Variants in GAB2 observed in about 807,000 individuals in gnomAD.
The protein encoded by GAB2 is GRB2 associated binding protein 2, also known as GRB2-associated-binding protein 2.
A neutral mutation model predicts 65.5 loss-of-function variants in GAB2; 26 were observed. The observed-to-expected ratio is 0.40, with a 90% CI of 0.29 to 0.55. GAB2 has a LOEUF of 0.55. Among genes scored for constraint, GAB2 ranks in the 20% least tolerant of loss-of-function variants. GAB2 has a pLI of 0.53. For missense variants in GAB2, 884 were observed against 875.8 expected (o/e 1.01, Z -0.12); for synonymous variants, 321 against 329.6 (o/e 0.97, Z 0.28).
intron 1 of GAB2, among the ~76,000 whole-genome samples, chr11:78,290,275 T>C (rs1591004517): frequency 6.6e-6 from 1 of 152,158 alleles, no homozygotes; most frequent in Non-Finnish European, 1.5e-5. Context: ...GGGTCTACTG[T>C]CAAGAAAGTT....
At chr11:78,235,919 G>A (rs1259221278) in intron 3 of GAB2, among the ~76,000 whole-genome samples, 1 of 152,030 alleles carries the variant, frequency 6.6e-6, no homozygotes, top group African/African-American at 2.4e-5. Context: ...TTTCAGCAAC[G>A]CCCCACTCTA....
intron 1 of GAB2, among the ~76,000 whole-genome samples, chr11:78,357,454 C>G (rs996178792): frequency 6.6e-6 from 1 of 152,102 alleles, no homozygotes; most frequent in African/African-American, 2.4e-5. Context: ...CAGCAAAAGA[C>G]ACTACCATCA....
At chr11:78,298,764 C>A (rs975474953) in intron 1 of GAB2, among the ~76,000 whole-genome samples, 7 of 152,158 alleles carry the variant, frequency 4.6e-5, no homozygotes, top group Non-Finnish European at 1.0e-4. Flanking sequence ...CCAGGGAAAA[C>A]CAGGGCAAAG....
chr11:78,350,777 C>T (rs929580861), intron 1 of GAB2, among the ~76,000 whole-genome samples: 2 of 152,176 alleles, frequency 1.3e-5, no homozygotes, highest in African/African-American at 4.8e-5. Context: ...CCTTCACACA[C>T]GTTAAGAATT....
chr11:78,241,460 G>C (rs1006989993), intron 3 of GAB2, among the ~76,000 whole-genome samples: 4 of 152,070 alleles, frequency 2.6e-5, no homozygotes, highest in Non-Finnish European at 5.9e-5. Context: ...AGTAACTAGA[G>C]CCCAGTGAAA....
At chr11:78,363,355 G>A (rs1379691341) in intron 1 of GAB2, among the ~76,000 whole-genome samples, 4 of 152,128 alleles carry the variant, frequency 2.6e-5, no homozygotes, top group Non-Finnish European at 5.9e-5. Context: ...ACACACATTT[G>A]TATCACTTCC....
intron 1 of GAB2, among the ~76,000 whole-genome samples, chr11:78,356,448 A>C (rs542013704): frequency 3.2e-4 from 49 of 152,348 alleles, no homozygotes; most frequent in African/African-American, 1.1e-3. Flanking sequence ...AGACCTCAAG[A>C]ATCAAAACAT....
intron 1 of GAB2, among the ~76,000 whole-genome samples, chr11:78,406,952 TA>T (rs144098349): frequency 0.063 from 9,580 of 151,248 alleles, 976 homozygotes; most frequent in African/African-American, 0.22. Flanking sequence ...ACCACCAAAA[TA>T]AAAAAGTTCA....
chr11:78,353,600 T>C (rs750349597), intron 1 of GAB2, among the ~76,000 whole-genome samples: 19 of 152,260 alleles, frequency 1.2e-4, no homozygotes, highest in Non-Finnish European at 1.9e-4. Context: ...ACATCTGTGC[T>C]GTCCAGTATG....
chr11:78,270,819 C>G (rs1478499422), intron 2 of GAB2, among the ~76,000 whole-genome samples: 1 of 152,202 alleles, frequency 6.6e-6, no homozygotes, highest in Non-Finnish European at 1.5e-5. Flanking sequence ...TGTACATTCT[C>G]CAAGCTTTAC....
At chr11:78,346,067 C>T (rs1422244091) in intron 1 of GAB2, among the ~76,000 whole-genome samples, 1 of 152,136 alleles carries the variant, frequency 6.6e-6, no homozygotes, top group African/African-American at 2.4e-5. Context: ...ATAATTGCAT[C>T]ACAGAGAACA....
intron 1 of GAB2, among the ~76,000 whole-genome samples, chr11:78,395,236 A>C (rs1856881782): frequency 1.3e-5 from 2 of 152,208 alleles, no homozygotes; most frequent in Non-Finnish European, 2.9e-5. Context: ...GGCGGATCAC[A>C]TCAGGTCAGA....
At chr11:78,345,012 C>T (rs947745914) in intron 1 of GAB2, among the ~76,000 whole-genome samples, 3 of 152,186 alleles carry the variant, frequency 2.0e-5, no homozygotes, top group Admixed American at 2.0e-4. Context: ...TGCTGTGGCA[C>T]ACGCCTGTAA....
chr11:78,409,078 T>G (rs1857091631), intron 1 of GAB2, among the ~76,000 whole-genome samples: 1 of 152,166 alleles, frequency 6.6e-6, no homozygotes, highest in Non-Finnish European at 1.5e-5. Flanking sequence ...ATGGAAAAGA[T>G]GTATCATGTG....
intron 1 of GAB2, among the ~76,000 whole-genome samples, chr11:78,350,173 T>C (rs959421171): frequency 6.6e-6 from 1 of 152,174 alleles, no homozygotes; most frequent in African/African-American, 2.4e-5. Context: ...CCATCTCCCC[T>C]GAAGCCTGGC....
chr11:78,284,679 G>A (rs906010090), intron 1 of GAB2, among the ~76,000 whole-genome samples: 4 of 151,894 alleles, frequency 2.6e-5, no homozygotes, highest in Non-Finnish European at 4.4e-5. Flanking sequence ...CCTGGTCCCC[G>A]ATGCTCCCAC....
In GAB2 at chr11:78,311,797, G is replaced by A. The variant is rs1855503956; in HGVS notation, c.76-30896C>T. On this transcript the variant is annotated intron_variant, in intron 1 of 9. Transcript: ENST00000361507. ...AAAGCCTGAGACAACTGGACTTGGA[G>A]CGAGGCGGTAGTTAGGTATGAGGCT... Among the ~76,000 whole-genome samples the A allele has an allele frequency of 2.0e-5, 3 of 152,186 alleles. No homozygotes were observed. In the South Asian group the frequency reaches 6.2e-4, roughly 32 times the overall value.
rs888585914 is a variant in GAB2 at position 78,250,318 on chromosome 11, G to C, written c.459C>G (p.Leu153=). 1.2e-6 allele frequency: 2 copies of C among 1,613,800 alleles called. No individual in the cohort carries two copies. Among genetic ancestry groups the C allele is most frequent in the Non-Finnish European group, 1.7e-6 (2 of 1,179,952 alleles). ...ATGGGGCTGAGGACTTGCGCTCTCG[G>C]AGAAGGTGCTGGCTAGAGCTGCTGA... ...AELSSSSQHL[L]RERKSSAPSH... is the part of the protein sequence containing the mutation. Residue 153 remains leucine, a synonymous_variant, in exon 3 of 10, where the codon CTC becomes CTG. Coordinates refer to ENST00000361507, the MANE Select transcript of GAB2 (RefSeq NM_080491.3).
At chr11:78,265,203 C>CATATATATATATATATATATATATATAT (rs10530509) in intron 2 of GAB2, among the ~76,000 whole-genome samples, 4 of 144,840 alleles carry the variant, frequency 2.8e-5, no homozygotes, top group Non-Finnish European at 6.1e-5. Flanking sequence ...TTCTATACCA[C>CATATATATATATATATATATATATATAT]ATATATATAT....
Sources: allele counts gnomAD v4.1 joint callset (sites outside exome capture counted in the v4.1 genomes callset), GRCh38; gene constraint gnomAD v4.1.1; transcripts MANE v1.5; gene names NCBI Gene and HGNC (gene_info 2026-07-23, HGNC 2026-07-21).